The following MAPK6 variants were observed in gnomAD, a reference collection of about 807,000 sequenced individuals.
MAPK6 encodes ERK-3.
In MAPK6, 19 loss-of-function variants were observed where a neutral mutation model predicts 59.3. The observed-to-expected ratio is 0.32, with a 90% CI of 0.22 to 0.47. The LOEUF is 0.47. Among genes scored for constraint, MAPK6 ranks in the 20% least tolerant of loss-of-function variants. The pLI, the probability that MAPK6 is intolerant of heterozygous loss-of-function variation, is 1.00. For missense variants in MAPK6, 724 were observed against 847.9 expected, an observed-to-expected ratio of 0.85 and a Z score of 1.81; for synonymous variants, 316 against 290.3, an observed-to-expected ratio of 1.09 and a Z score of -0.90.
At chr15:51,991,148 T>TACGC (rs1555395352) in intron 2 of MAPK6, among the ~76,000 whole-genome samples, 6 of 140,638 alleles carry the variant, frequency 4.3e-5, no homozygotes, top group Non-Finnish European at 9.1e-5. Flanking sequence ...TATATATATA[T>TACGC]ACACACACAC....
chr15:52,039,096 TCCACCTC>T (rs1008643537), intron 1 of MAPK6, among the ~76,000 whole-genome samples: 1 of 152,204 alleles, frequency 6.6e-6, no homozygotes, highest in Non-Finnish European at 1.5e-5. Flanking sequence ...CACTGCAACC[TCCACCTC>T]CCAGGTTCAA....
chr15:51,995,831 G>C (rs1224474352), intron 2 of MAPK6, among the ~76,000 whole-genome samples: 1 of 152,132 alleles, frequency 6.6e-6, no homozygotes, highest in Non-Finnish European at 1.5e-5. Flanking sequence ...AGGAGGCTGA[G>C]GCAGGAGAAT....
chr15:52,054,633 T>G (rs1369084787), intron 3 of MAPK6, among the ~76,000 whole-genome samples: 1 of 151,436 alleles, frequency 6.6e-6, no homozygotes, highest in Admixed American at 6.6e-5. Context: ...AGTTCCACCC[T>G]TTAAAGGGAG....
In MAPK6 at chr15:52,061,484, A is replaced by G. The variant is rs201785438; in HGVS notation, c.1051A>G (p.Ile351Val). 1.8e-5 allele frequency: 29 copies of G among 1,611,574 alleles called. No individual in the cohort carries two copies. The African/African-American group carries it at 3.5e-4, about 19-fold the overall frequency. ...GCTTATGGATGAAACTCACAGTCAC[A>G]TTTATAACTGGGAAAGGTAAATTGA... ...ILLMDETHSH[I>V]YNWERYHDCQ... Residue 351 changes from isoleucine (I) to valine (V), a missense_variant, in exon 5 of 6, where the codon ATT (isoleucine) becomes GTT (valine). By Grantham distance (29) the Ile-to-Val change is conservative. Coordinates refer to ENST00000261845, the MANE Select transcript of MAPK6 (RefSeq NM_002748.4).
chr15:52,010,789 G>C (rs1391599461), intron 3 of MAPK6, among the ~76,000 whole-genome samples: 2 of 152,198 alleles, frequency 1.3e-5, no homozygotes, highest in African/African-American at 4.8e-5. Context: ...AAAGTGCTGG[G>C]ATTATGGGCG....
At chr15:52,016,060 GCGCGCGCGCGCACACACA>G (rs1162401839), upstream of MAPK6, among the ~76,000 whole-genome samples, 10 of 56,988 alleles carry the variant, frequency 1.8e-4, no homozygotes, top group Non-Finnish European at 2.0e-4. Flanking sequence ...CATCGCGCGC[GCGCGCGCGCGCACACACA>G]CACACACACA....
chr15:52,026,020 G>C (rs983759334), intron 1 of MAPK6, among the ~76,000 whole-genome samples: 1 of 152,126 alleles, frequency 6.6e-6, no homozygotes, highest in Non-Finnish European at 1.5e-5. Context: ...TTTTCTAATT[G>C]ATACATCTGT....
At chr15:51,988,501 C>T (rs1019782831) in intron 2 of MAPK6, among the ~76,000 whole-genome samples, 7 of 151,920 alleles carry the variant, frequency 4.6e-5, no homozygotes, top group African/African-American at 1.4e-4. Context: ...TGGGAGGCCA[C>T]GGCGGGTGGG....
At chr15:52,024,994 C>G (rs2030709222) in intron 1 of MAPK6, among the ~76,000 whole-genome samples, 1 of 144,510 alleles carries the variant, frequency 6.9e-6, no homozygotes, top group African/African-American at 2.5e-5. Flanking sequence ...ACAAGATTTT[C>G]AAGTCATTCA....
intron 1 of MAPK6, chr15:52,027,495 T>C (rs2030846453): frequency 6.6e-6 from 1 of 151,714 alleles, no homozygotes; most frequent in Non-Finnish European, 1.5e-5. Flanking sequence ...TTAATACATA[T>C]TCTGAGTCTT....
rs142690558 is a variant in MAPK6, at chr15:52,060,828, C to G, written c.866-471C>G. Among the ~76,000 whole-genome samples, 298 of 152,224 alleles carry G rather than the reference C, an allele frequency of 2.0e-3. 1 individual carries two copies. The highest frequency in any genetic ancestry group is 6.9e-3 in the African/African-American group (288 of 41,544). On this transcript the variant is annotated intron_variant, in intron 4 of 5. Coordinates refer to ENST00000261845, the MANE Select transcript of MAPK6 (RefSeq NM_002748.4). ...CCCATCAGTGAAGGATGGGAAAGGG[C>G]TTTTATTACATACCAGACACTATGA...
Position 52,006,586 on chromosome 15 carries a change from A to C in MAPK6, c.-632+2184A>C, listed in dbSNP as rs547559714. On this transcript the variant is annotated intron_variant, in intron 3 of 7. Transcript: ENST00000691380. ...ATCAGCCGGGATGAATCATGAGTAC[A>C]ACTCAGCACAGCTATTCTTGTGTGC... 2.0e-4 allele frequency among the ~76,000 whole-genome samples: 31 copies of C among 152,342 alleles called. No individual in the cohort carries two copies. In the South Asian group the frequency reaches 6.2e-3, roughly 31 times the overall value.
intron 1 of MAPK6, among the ~76,000 whole-genome samples, chr15:52,031,767 A>C (rs1038361512): frequency 2.6e-5 from 4 of 152,202 alleles, no homozygotes; most frequent in Admixed American, 1.3e-4. Flanking sequence ...ATGGAGGTGG[A>C]GGTTGCAATG....
At chr15:51,995,126 G>C (rs1441346515) in intron 2 of MAPK6, among the ~76,000 whole-genome samples, 1 of 152,114 alleles carries the variant, frequency 6.6e-6, no homozygotes. Flanking sequence ...CTTTGGGATC[G>C]ACACCTGTGC....
In MAPK6 at chr15:52,007,774, C is replaced by CAT. The variant is rs918021875; in HGVS notation, c.-632+3382_-632+3383dup. Among the ~76,000 whole-genome samples, 9 of 150,010 alleles carry CAT rather than the reference C, an allele frequency of 6.0e-5. No individual in the cohort carries two copies. The East Asian group carries it at 7.8e-4, about 13-fold the overall frequency. On this transcript the variant is annotated intron_variant, in intron 3 of 7. Transcript: ENST00000691380. The stretch of plus-strand genomic sequence containing the variant: ...CATAATTTCTATTTTTTAGCTCTTA[C>CAT]ATATATATATAGTTGGTTATTACCA...
chr15:52,005,081 A>C (rs560812750), intron 3 of MAPK6, among the ~76,000 whole-genome samples: 3 of 152,212 alleles, frequency 2.0e-5, no homozygotes, highest in Non-Finnish European at 2.9e-5. Context: ...ACTTTAAAAA[A>C]TATCTTTACC....
chr15:52,026,864 A>T (rs1229729349), intron 1 of MAPK6, among the ~76,000 whole-genome samples: 1 of 109,630 alleles, frequency 9.1e-6, no homozygotes, highest in Non-Finnish European at 2.1e-5. Context: ...AGCCTGGCCA[A>T]CATGATGAAA....
intron 5 of MAPK6, among the ~76,000 whole-genome samples, chr15:52,061,790 T>TA (rs2032212922): frequency 6.6e-6 from 1 of 152,154 alleles, no homozygotes; most frequent in Non-Finnish European, 1.5e-5. Context: ...AATTTAGTAA[T>TA]GGTCCTTAAT....
chr15:52,045,155 G>A lies in MAPK6; in HGVS notation c.-631-675G>A, dbSNP rs544385505. ...TTCATTTATATGTTTATGCCAAATT[G>A]CTCTGAAGTTTTTACTAATTTAAAC... On this transcript the variant is annotated intron_variant, in intron 1 of 5. Transcript: ENST00000261845. 2.6e-5 allele frequency among the ~76,000 whole-genome samples: 4 copies of A among 152,068 alleles called. No homozygotes were observed. The East Asian group carries it at 5.8e-4, about 22-fold the overall frequency.
Sources: gnomAD v4.1 joint callset for allele counts (sites outside exome capture counted in the v4.1 genomes callset) on GRCh38, gnomAD v4.1.1 for gene constraint, MANE v1.5 for transcripts, NCBI Gene and HGNC (gene_info 2026-07-23, HGNC 2026-07-21) for gene names.